ANOS1: variants seen among roughly 807,000 people sequenced by gnomAD.
ANOS1 encodes the protein anosmin 1, also known as anosmin-1.
ANOS1 carries 6 observed loss-of-function variants against 59.0 expected under a neutral mutation model. That is an observed-to-expected ratio of 0.10 (90% CI 0.06 to 0.20). The LOEUF (loss-of-function observed/expected upper bound fraction) is 0.20. Ranked by LOEUF, ANOS1 falls within the 10% of genes least tolerant of loss-of-function variation. ANOS1 has a pLI of 1.00. For synonymous variants in ANOS1, 217 were observed against 223.4 expected (o/e 0.97, Z 0.25); for missense variants, 433 against 542.3 (o/e 0.80, Z 2.00).
intron 4 of ANOS1, among the ~76,000 whole-genome samples, chrX:8,594,193 A>G (rs1930668662): frequency 2.7e-5 from 3 of 111,156 alleles, no homozygotes; most frequent in African/African-American, 9.8e-5. Context: ...CTCTTATTAA[A>G]GAAAAAAACT....
chrX:8,661,023 C>T (rs769443171), intron 2 of ANOS1, among the ~76,000 whole-genome samples: 1 of 111,626 alleles, frequency 9.0e-6, no homozygotes, highest in African/African-American at 3.3e-5. Flanking sequence ...GCCTAAACAA[C>T]AGACTATTTA....
intron 2 of ANOS1, among the ~76,000 whole-genome samples, chrX:8,696,273 C>T (rs1932683808): frequency 1.8e-5 from 2 of 112,303 alleles, no homozygotes; most frequent in Admixed American, 1.9e-4. Context: ...CTAGCTAAAT[C>T]AGTTCCCTTT....
intron 7 of ANOS1, 55 bp downstream of exon 7, chrX:8,570,444 T>C: frequency 9.4e-7 from 1 of 1,067,643 alleles, no homozygotes; most frequent in African/African-American, 1.8e-5. Flanking sequence ...GCCAGTTGCC[T>C]TGAGTTGAAA....
rs146294412 is a variant in ANOS1, at chrX:8,649,677, T to G, written c.256-26007A>C. On this transcript the variant is annotated intron_variant, in intron 2 of 13. Coordinates refer to ENST00000262648, the MANE Select transcript of ANOS1 (RefSeq NM_000216.4). ...AATTGCATCAACCTGAGTCTTAACATGTCCAAGTTCCCCAATTTAAAATTT... is the reference window on the plus strand; with the variant it reads ...AATTGCATCAACCTGAGTCTTAACAGGTCCAAGTTCCCCAATTTAAAATTT... 1.2e-3 allele frequency among the ~76,000 whole-genome samples: 130 copies of G among 112,638 alleles called. 3 individuals carry two copies. The highest frequency in any genetic ancestry group is 1.3e-3 in the Admixed American group (14 of 10,679).
chrX:8,558,620 T>C (rs988677308), intron 8 of ANOS1, among the ~76,000 whole-genome samples: 1 of 111,996 alleles, frequency 8.9e-6, no homozygotes, highest in Admixed American at 9.5e-5. Context: ...AAAATAATAT[T>C]ACAATACCAT....
chrX:8,614,045 A>C (rs1046316803), intron 3 of ANOS1, among the ~76,000 whole-genome samples: 3 of 111,865 alleles, frequency 2.7e-5, no homozygotes, highest in Non-Finnish European at 5.6e-5. Flanking sequence ...TGCGTGACCA[A>C]GTCTGAGAAG....
intron 3 of ANOS1, among the ~76,000 whole-genome samples, chrX:8,609,015 C>T (rs1402550901): frequency 1.8e-5 from 2 of 112,206 alleles, no homozygotes; most frequent in African/African-American, 6.5e-5. Flanking sequence ...GTACATAGAA[C>T]ATAGTTTCCT....
chrX:8,569,900 A>G (rs1455209142), intron 7 of ANOS1, among the ~76,000 whole-genome samples: 1 of 112,060 alleles, frequency 8.9e-6, no homozygotes, highest in Non-Finnish European at 1.9e-5. Flanking sequence ...AGCATTTCAA[A>G]TAATACAAGA....
Position 8,570,645 on chromosome X carries a change from C to T in ANOS1, c.916G>A (p.Asp306Asn). The change falls in exon 7 of 14, where the codon GAT (aspartate) becomes AAT (asparagine). Residue 306 changes from aspartate (D) to asparagine (N), a missense_variant. Transcript: ENST00000262648. ...ACTATAGTGACGGTCACACTCCCATCACTGTTGACGGTGGAGTTGGCCAGC... is the reference window on the plus strand; with the variant it reads ...ACTATAGTGACGGTCACACTCCCATTACTGTTGACGGTGGAGTTGGCCAGC... ...LRLANSTVNS[D>N]GSVTVTIVWD... 3 of 1,211,756 alleles carry T rather than the reference C, an allele frequency of 2.5e-6. No individual in the cohort carries two copies. The highest frequency in any genetic ancestry group is 2.2e-6 in the Non-Finnish European group (2 of 895,489).
intron 2 of ANOS1, among the ~76,000 whole-genome samples, chrX:8,661,790 T>C (rs16985093): frequency 0.11 from 11,690 of 111,090 alleles, 889 homozygotes; most frequent in African/African-American, 0.25. Flanking sequence ...TTAGCACTGT[T>C]ACTTCTAGGA....
At chrX:8,576,507 C>CAG (rs1215636205) in intron 6 of ANOS1, among the ~76,000 whole-genome samples, 2 of 109,401 alleles carry the variant, frequency 1.8e-5, no homozygotes, top group East Asian at 5.7e-4. Context: ...CACACACACA[C>CAG]ACACACACAC....
intron 2 of ANOS1, among the ~76,000 whole-genome samples, chrX:8,694,235 A>G (rs1364800748): frequency 8.9e-6 from 1 of 112,532 alleles, no homozygotes; most frequent in African/African-American, 3.2e-5. Context: ...GCATTTAAAG[A>G]AAATGTTAAA....
Position 8,577,772 on chromosome X carries a change from G to T in ANOS1, c.857-7068C>A, listed in dbSNP as rs1051791199. Among the ~76,000 whole-genome samples, 8 of 112,008 alleles carry T rather than the reference G, an allele frequency of 7.1e-5. No homozygotes were observed. The Admixed American group carries it at 7.6e-4, about 11-fold the overall frequency. The stretch of plus-strand genomic sequence containing the variant: ...GCACGAAGGTTTGACACAATGGAAA[G>T]ACTTTGAGCCTATGTTGGGTAAAGT... On this transcript the variant is annotated intron_variant, in intron 6 of 13. Transcript: ENST00000262648.
intron 2 of ANOS1, among the ~76,000 whole-genome samples, chrX:8,640,919 G>A (rs1931653258): frequency 8.9e-6 from 1 of 112,078 alleles, no homozygotes; most frequent in Non-Finnish European, 1.9e-5. Flanking sequence ...CAAAAGTAGA[G>A]TTGGTTTTCT....
intron 1 of ANOS1, among the ~76,000 whole-genome samples, chrX:8,712,261 G>A (rs1329263128): frequency 8.9e-6 from 1 of 112,042 alleles, no homozygotes; most frequent in Non-Finnish European, 1.9e-5. Context: ...GCATGTCTGT[G>A]TTAAAATTTC....
intron 2 of ANOS1, among the ~76,000 whole-genome samples, chrX:8,626,972 T>A (rs1166811454): frequency 8.9e-6 from 1 of 112,224 alleles, no homozygotes; most frequent in Non-Finnish European, 1.9e-5. Flanking sequence ...TCAAAGCTCT[T>A]GTTACTTATT....
In ANOS1 at chrX:8,667,113, C is replaced by G. The variant is rs958577623; in HGVS notation, c.255+32585G>C. ...AACTCTGTCCTCCTGATGCTTTCAC[C>G]CAAGGCTGTCCCATCAGGTGCTCAG... On this transcript the variant is annotated intron_variant, in intron 2 of 13. Coordinates refer to ENST00000262648, the MANE Select transcript of ANOS1 (RefSeq NM_000216.4). 1.3e-4 allele frequency among the ~76,000 whole-genome samples: 15 copies of G among 111,399 alleles called. No homozygotes were observed. The Admixed American group carries it at 1.4e-3, about 11-fold the overall frequency.
intron 6 of ANOS1, among the ~76,000 whole-genome samples, chrX:8,582,463 G>T (rs1930442574): frequency 9.0e-6 from 1 of 111,222 alleles, no homozygotes; most frequent in Non-Finnish European, 1.9e-5. Context: ...AACAGGGAGG[G>T]TAGTGATGAA....
intron 2 of ANOS1, among the ~76,000 whole-genome samples, chrX:8,630,998 G>T (rs1394743253): frequency 8.9e-6 from 1 of 112,034 alleles, no homozygotes; most frequent in Admixed American, 9.5e-5. Flanking sequence ...GAGAAGTGGG[G>T]ATGAGAGAAA....
Sources: allele counts gnomAD v4.1 joint callset (sites outside exome capture counted in the v4.1 genomes callset), GRCh38; gene constraint gnomAD v4.1.1; transcripts MANE v1.5; gene names NCBI Gene and HGNC (gene_info 2026-07-23, HGNC 2026-07-21).